RBFOX1: variants seen among roughly 807,000 people sequenced by gnomAD.
RBFOX1 encodes RNA binding protein fox-1 homolog 1.
In RBFOX1, 8 loss-of-function variants were observed where a neutral mutation model predicts 57.7. The ratio of observed to expected loss-of-function variants is 0.14; its 90% CI spans 0.08 to 0.25. The LOEUF (loss-of-function observed/expected upper bound fraction) is 0.25, where lower values mean the gene tolerates loss of function less well. Among genes scored for constraint, RBFOX1 ranks in the 10% least tolerant of loss-of-function variants. The pLI is 1.00. For synonymous variants in RBFOX1, 326 were observed against 222.4 expected (o/e 1.47, Z -4.15); for missense variants, 611 against 548.5 (o/e 1.11, Z -1.14).
chr16:6,930,088 C>A (rs962537040), intron 3 of RBFOX1, among the ~76,000 whole-genome samples: 1 of 152,182 alleles, frequency 6.6e-6, no homozygotes, highest in East Asian at 1.9e-4. Context: ...TGCTGGTTTA[C>A]TCGGCCTGCT....
intron 3 of RBFOX1, among the ~76,000 whole-genome samples, chr16:6,778,365 C>T (rs1446940262): frequency 3.3e-5 from 5 of 152,154 alleles, no homozygotes; most frequent in East Asian, 1.9e-4. Context: ...CATAGCCAAT[C>T]ATGTTTAATC....
At chr16:6,898,692 G>C (rs1010406082) in intron 3 of RBFOX1, among the ~76,000 whole-genome samples, 6 of 151,990 alleles carry the variant, frequency 3.9e-5, no homozygotes, top group Non-Finnish European at 8.8e-5. Context: ...GTGTATATAC[G>C]TGTGTATGTG....
Position 5,401,869 on chromosome 16 carries a change from G to A in RBFOX1, c.220-65347G>A, listed in dbSNP as rs140602314. Among the ~76,000 whole-genome samples, 4 of 151,166 alleles carry A rather than the reference G, an allele frequency of 2.6e-5. No homozygotes were observed. In the East Asian group the frequency reaches 5.9e-4, roughly 22 times the overall value. On this transcript the variant is annotated intron_variant, in intron 1 of 2. Transcript: ENST00000585867. ...TCTGTCTCTGTCTCTCGTCATCGTC[G>A]TCGTCATTTCTGTCTCTGTCTCTCT...
At chr16:6,738,135 A>C (rs1488571254) in intron 3 of RBFOX1, among the ~76,000 whole-genome samples, 1 of 152,012 alleles carries the variant, frequency 6.6e-6, no homozygotes, top group Non-Finnish European at 1.5e-5. Flanking sequence ...AATAGGGACC[A>C]GATGTAACCT....
intron 3 of RBFOX1, among the ~76,000 whole-genome samples, chr16:5,811,970 A>G (rs921440508): frequency 3.9e-5 from 6 of 152,218 alleles, no homozygotes; most frequent in African/African-American, 1.4e-4. Context: ...AAACTCCAGG[A>G]AATGACTGAT....
intron 10 of RBFOX1, among the ~76,000 whole-genome samples, chr16:7,619,049 G>C (rs1362842170): frequency 6.6e-6 from 1 of 152,074 alleles, no homozygotes; most frequent in Non-Finnish European, 1.5e-5. Flanking sequence ...ACTAAACAAG[G>C]ATTATTCAAA....
At chr16:5,458,816 C>G (rs1346695918) in intron 1 of RBFOX1, among the ~76,000 whole-genome samples, 1 of 152,226 alleles carries the variant, frequency 6.6e-6, no homozygotes, top group Non-Finnish European at 1.5e-5. Context: ...AGTATTGGTT[C>G]TTACTGAGTT....
chr16:7,471,971 G>A (rs2061632071), intron 4 of RBFOX1, among the ~76,000 whole-genome samples: 1 of 152,138 alleles, frequency 6.6e-6, no homozygotes, highest in African/African-American at 2.4e-5. Context: ...AGGTGCTTGG[G>A]ACTGGATCTT....
intron 3 of RBFOX1, among the ~76,000 whole-genome samples, chr16:6,856,420 C>G (rs1047506282): frequency 5.9e-5 from 9 of 152,210 alleles, no homozygotes; most frequent in African/African-American, 2.2e-4. Context: ...GGTGAGCAAT[C>G]CTGATCCCAC....
rs556725342 is a variant in RBFOX1 at position 6,715,468 on chromosome 16, T to C, written c.-16+60818T>C. Among the ~76,000 whole-genome samples the C allele has an allele frequency of 2.6e-5, 4 of 152,286 alleles. No homozygotes were observed. The South Asian group carries it at 6.2e-4, about 24-fold the overall frequency. ...AACAAATGATTGCCAAGTTTATAAT[T>C]GGCAAGGAAGGAGGTTATAATCTAT... On this transcript the variant is annotated intron_variant, in intron 3 of 15. Transcript: ENST00000550418.
At chr16:5,396,697 C>G (rs531858457) in intron 1 of RBFOX1, among the ~76,000 whole-genome samples, 3 of 152,234 alleles carry the variant, frequency 2.0e-5, no homozygotes, top group African/African-American at 7.2e-5. Context: ...AGACCCCTCC[C>G]TACCTTATCA....
chr16:6,430,951 T>G, intron 2 of RBFOX1, among the ~76,000 whole-genome samples: 1 of 133,360 alleles, frequency 7.5e-6, no homozygotes, highest in African/African-American at 2.9e-5. Flanking sequence ...GGCAACATAG[T>G]GAGTCCTCAT....
At chr16:7,123,808 G>C (rs920023811) in intron 4 of RBFOX1, among the ~76,000 whole-genome samples, 1 of 152,124 alleles carries the variant, frequency 6.6e-6, no homozygotes, top group African/African-American at 2.4e-5. Context: ...TTTATATTTA[G>C]AATTTGCAAT....
chr16:5,947,862 C>T lies in RBFOX1; in HGVS notation c.351+80527C>T, dbSNP rs933639280. Among the ~76,000 whole-genome samples the T allele has an allele frequency of 9.9e-5, 15 of 152,256 alleles. No homozygotes were observed. The highest frequency in any genetic ancestry group is 2.4e-4 in the African/African-American group (10 of 41,536). ...TGCTAAAAGTACCTGTTGTAATTAC[C>T]GGGCCACCCGTAACGGGAGTTTATG... On this transcript the variant is annotated intron_variant, in intron 4 of 19. Transcript: ENST00000641259. The surrounding 1 kb of genome is among the most constrained non-coding windows in gnomAD (Gnocchi z 7.2).
intron 3 of RBFOX1, among the ~76,000 whole-genome samples, chr16:7,037,633 G>A (rs894464906): frequency 1.3e-5 from 2 of 152,212 alleles, no homozygotes; most frequent in African/African-American, 2.4e-5. Context: ...CTTTCCGTGT[G>A]ATAGGCACTC....
chr16:7,487,472 C>T (rs576068617), intron 4 of RBFOX1, among the ~76,000 whole-genome samples: 7 of 152,216 alleles, frequency 4.6e-5, no homozygotes, highest in African/African-American at 9.6e-5. Context: ...ATTTCACCTG[C>T]GTGAAATAGG....
At chr16:7,131,055 T>C (rs2070212477) in intron 4 of RBFOX1, among the ~76,000 whole-genome samples, 1 of 152,136 alleles carries the variant, frequency 6.6e-6, no homozygotes, top group African/African-American at 2.4e-5. Context: ...ATAAGAATCA[T>C]AGCTTCTGGC....
chr16:5,422,942 G>A (rs1344535818), intron 1 of RBFOX1, among the ~76,000 whole-genome samples: 2 of 125,562 alleles, frequency 1.6e-5, no homozygotes, highest in African/African-American at 6.2e-5. Context: ...GAGGGAGAGG[G>A]AAGGGGGAGG....
At chr16:5,781,178 G>A (rs1447317175) in intron 3 of RBFOX1, among the ~76,000 whole-genome samples, 1 of 152,192 alleles carries the variant, frequency 6.6e-6, no homozygotes, top group Non-Finnish European at 1.5e-5. Flanking sequence ...CTAAAAGATA[G>A]GTGCTTTTCT....
Sources: allele counts gnomAD v4.1 joint callset (sites outside exome capture counted in the v4.1 genomes callset), GRCh38; gene constraint gnomAD v4.1.1; non-coding constraint Gnocchi (gnomAD v3.1); transcripts MANE v1.5; gene names NCBI Gene and HGNC (gene_info 2026-07-23, HGNC 2026-07-21).